The following TBC1D21 variants were observed in gnomAD, a reference collection of about 807,000 sequenced individuals.
The protein encoded by TBC1D21 is male germ cell Rab GTPase-activating protein.
TBC1D21 carries 38 observed loss-of-function variants against 46.0 expected under a neutral mutation model. The observed-to-expected ratio is 0.83, with a 90% CI of 0.64 to 1.08. The LOEUF (loss-of-function observed/expected upper bound fraction) is 1.08. Among genes scored for constraint, TBC1D21 ranks in the 50% least tolerant of loss-of-function variants. TBC1D21 has a pLI of 0.00. For synonymous variants in TBC1D21, 151 were observed against 157.2 expected (o/e 0.96, Z 0.29); for missense variants, 415 against 417.9 (o/e 0.99, Z 0.06).
chr15:73,881,860 A>G (rs2141564212), intron 3 of TBC1D21, 113 bp downstream of exon 3: 1 of 954,534 alleles, frequency 1.0e-6, no homozygotes, highest in East Asian at 2.6e-5. Flanking sequence ...TTCCGAGAGG[A>G]ACCCCATGCC....
Position 73,884,995 on chromosome 15 carries a change from C to G in TBC1D21, c.479-8C>G, listed in dbSNP as rs202195345. 1.4e-6 allele frequency: 2 copies of G among 1,473,280 alleles called. No homozygotes were observed. Among genetic ancestry groups the G allele is most frequent in the African/African-American group, 2.8e-5 (2 of 71,320 alleles). The allele number at this position is 1,473,280 out of a possible 1,614,324, so 91.3% of individuals were successfully genotyped here. A position where few individuals can be genotyped will look rare whatever the true frequency, so the allele number is the denominator to read the frequency against. On this transcript the variant is annotated splice_region_variant and splice_polypyrimidine_tract_variant and intron_variant, in intron 5 of 10. Transcript: ENST00000300504. ...AGCCCCTCCTCCCCAACCCCCTCTT[C>G]GCCACAGAGTACCAGCAGGGCTTCC...
chr15:73,885,975 G>C (rs1391251384), intron 6 of TBC1D21, 103 bp from the exon 7 acceptor site: 2 of 893,330 alleles, frequency 2.2e-6, no homozygotes, highest in African/African-American at 3.3e-5. Context: ...CGCACAGACA[G>C]ACACACAGAG....
chr15:73,898,880 A>AAAAAAAAAAAAATAT, the TBC1D21 span, among the ~76,000 whole-genome samples: 2 of 56,802 alleles, frequency 3.5e-5, no homozygotes, highest in East Asian at 7.3e-4. Context: ...AAAAAAAAAA[A>AAAAAAAAAAAAATAT]ATATATATAT....
At chr15:73,878,296 G>A (rs1567063466) in intron 1 of TBC1D21, among the ~76,000 whole-genome samples, 1 of 152,154 alleles carries the variant, frequency 6.6e-6, no homozygotes, top group Non-Finnish European at 1.5e-5. Flanking sequence ...GGGTGTGGCT[G>A]TATCCTAATA....
In TBC1D21 at chr15:73,873,628, A is replaced by C. The variant is rs1245008115; in HGVS notation, c.-82A>C. ...AGCAGCCAGTTCCTCCTGGGAATGC[A>C]ACCCATCTCCGAAAAGGATTAAGCA... is the stretch of plus-strand genomic sequence containing the variant. On this transcript the variant is annotated 5_prime_UTR_variant, in exon 1 of 11. Coordinates refer to ENST00000300504, the MANE Select transcript of TBC1D21 (RefSeq NM_153356.3). 24 of 1,489,478 alleles carry C rather than the reference A, an allele frequency of 1.6e-5. No homozygotes were observed. Among genetic ancestry groups the C allele is most frequent in the Non-Finnish European group, 2.1e-5 (23 of 1,091,602 alleles). The allele number at this position is 1,489,478 out of a possible 1,614,324, so 92.3% of individuals were successfully genotyped here.
the TBC1D21 span, among the ~76,000 whole-genome samples, chr15:73,898,904 C>CAT: frequency 2.2e-5 from 2 of 91,908 alleles, no homozygotes; most frequent in African/African-American, 6.7e-5. Context: ...TATATATATA[C>CAT]ACACACACTC....
rs760163656 is a variant in TBC1D21 at position 73,884,996 on chromosome 15, G to A, written c.479-7G>A. 2.3e-5 allele frequency: 37 copies of A among 1,580,976 alleles called. No homozygotes were observed. The highest frequency in any genetic ancestry group is 1.8e-4 in the East Asian group (8 of 44,044). On this transcript the variant is annotated splice_region_variant and splice_polypyrimidine_tract_variant and intron_variant, in intron 5 of 10. Transcript: ENST00000300504. ...GCCCCTCCTCCCCAACCCCCTCTTC[G>A]CCACAGAGTACCAGCAGGGCTTCCA... is the stretch of plus-strand genomic sequence containing the variant.
intron 1 of TBC1D21, among the ~76,000 whole-genome samples, chr15:73,876,206 T>G (rs28694673): frequency 0.51 from 25,750 of 50,812 alleles, 8,126 homozygotes; most frequent in East Asian, 0.82. Flanking sequence ...TGGGTTTTTT[T>G]TTTTTTTTTT....
intron 6 of TBC1D21, 87 bp downstream of exon 6, chr15:73,885,190 C>A: frequency 1.7e-6 from 2 of 1,197,598 alleles, no homozygotes; most frequent in Non-Finnish European, 2.4e-6. Flanking sequence ...CAGGCATTGG[C>A]CACCCCAGCC....
chr15:73,885,533 G>T (rs916870772), intron 6 of TBC1D21, among the ~76,000 whole-genome samples: 1 of 151,978 alleles, frequency 6.6e-6, no homozygotes, highest in Non-Finnish European at 1.5e-5. Flanking sequence ...GCACACCAGG[G>T]GACTCAATAG....
chr15:73,887,538 G>A (rs533500655), intron 8 of TBC1D21, 82 bp from the exon 9 acceptor site: 101 of 1,195,688 alleles, frequency 8.4e-5, no homozygotes, highest in South Asian at 3.4e-4. Context: ...CTCCAGGCAC[G>A]TGGTTGGTGG....
intron 6 of TBC1D21, among the ~76,000 whole-genome samples, chr15:73,885,561 A>G (rs1178888533): frequency 6.6e-6 from 1 of 151,892 alleles, no homozygotes; most frequent in Non-Finnish European, 1.5e-5. Flanking sequence ...GGGCTCCCTC[A>G]CTGTCCAAGT....
intron 8 of TBC1D21, 92 bp from the exon 9 acceptor site, chr15:73,887,528 C>T (rs1412125039): frequency 1.0e-5 from 11 of 1,068,042 alleles, no homozygotes; most frequent in Non-Finnish European, 1.6e-5. Flanking sequence ...GAATGGCTGA[C>T]TCCAGGCACG....
At chr15:73,908,514 A>G in the TBC1D21 span, 1 of 152,790 alleles carries the variant, frequency 6.5e-6, no homozygotes, top group South Asian at 2.1e-4. Context: ...CAACCTAGCC[A>G]GAGCAGGTGC....
At chr15:73,895,185 T>C in the TBC1D21 span, among the ~76,000 whole-genome samples, 2 of 152,218 alleles carry the variant, frequency 1.3e-5, no homozygotes, top group Non-Finnish European at 2.9e-5. Context: ...TGAGAACACC[T>C]GAGTTCAGAA....
chr15:73,903,721 T>A, the TBC1D21 span, among the ~76,000 whole-genome samples: 1 of 152,200 alleles, frequency 6.6e-6, no homozygotes, highest in Non-Finnish European at 1.5e-5. Context: ...CTGCCCTCGG[T>A]CTGCCTCTTT....
intron 1 of TBC1D21, among the ~76,000 whole-genome samples, chr15:73,878,096 G>T (rs890074902): frequency 2.6e-5 from 4 of 152,300 alleles, no homozygotes; most frequent in Middle Eastern, 3.4e-3. Context: ...TAAATAAAAG[G>T]TATTCATACT....
In TBC1D21 at chr15:73,876,199, G is replaced by GGTGTTTT. The variant is rs2068057275; in HGVS notation, c.60+2430_60+2431insGTGTTTT. ...GAAGAATCAGTGACTTTTTTTGTGG[G>GGTGTTTT]TTTTTTTTTTTTTTTTTTTTTTTTT... On this transcript the variant is annotated intron_variant, in intron 1 of 10. Coordinates refer to ENST00000300504, the MANE Select transcript of TBC1D21 (RefSeq NM_153356.3). Among the ~76,000 whole-genome samples the GGTGTTTT allele has an allele frequency of 1.6e-3, 46 of 28,320 alleles. 14 individuals carry two copies. Among genetic ancestry groups the GGTGTTTT allele is most frequent in the Middle Eastern group, 0.05 (2 of 40 alleles). 18.6% of individuals were successfully genotyped at this position (28,320 alleles called of 152,430 possible).
chr15:73,898,880 A>AAAAAAAAAATATATATATATATAT, the TBC1D21 span, among the ~76,000 whole-genome samples: 51 of 56,766 alleles, frequency 9.0e-4, no homozygotes, highest in Middle Eastern at 0.019. Context: ...AAAAAAAAAA[A>AAAAAAAAAATATATATATATATAT]ATATATATAT....
Sources: gnomAD v4.1 joint callset for allele counts (sites outside exome capture counted in the v4.1 genomes callset) on GRCh38, gnomAD v4.1.1 for gene constraint, MANE v1.5 for transcripts, NCBI Gene and HGNC (gene_info 2026-07-23, HGNC 2026-07-21) for gene names.